Variants in LPIN3 observed in about 807,000 individuals in gnomAD.
The protein encoded by LPIN3 is lipin 3.
LPIN3 carries 82 observed loss-of-function variants against 94.7 expected under a neutral mutation model. The observed-to-expected ratio is 0.87, with a 90% CI of 0.72 to 1.04. LPIN3 has a LOEUF of 1.04. Ranked by LOEUF, LPIN3 falls within the 50% of genes least tolerant of loss-of-function variation. The probability of loss-of-function intolerance (pLI) is 0.00; values close to 1 mark genes in which losing one functional copy is unlikely to be tolerated. For synonymous variants in LPIN3, 418 were observed against 443.3 expected, an observed-to-expected ratio of 0.94 and a Z score of 0.72; for missense variants, 996 against 1,090.5, an observed-to-expected ratio of 0.91 and a Z score of 1.22.
At chr20:41,356,339 G>C (rs563063336) in intron 14 of LPIN3, among the ~76,000 whole-genome samples, 12 of 152,178 alleles carry the variant, frequency 7.9e-5, no homozygotes, top group Non-Finnish European at 1.3e-4. Flanking sequence ...ACACTAAAAA[G>C]AATCAAATGC....
chr20:41,348,499 T>C (rs1333366090), intron 3 of LPIN3, 120 bp from the exon 4 acceptor site: 1 of 1,432,718 alleles, frequency 7.0e-7, no homozygotes, highest in Non-Finnish European at 9.2e-7. Flanking sequence ...ACACCTGTTT[T>C]CCTGACCCTA....
rs771265914 is a variant in LPIN3 at position 41,349,107 on chromosome 20, G to T, written c.573G>T (p.Glu191Asp). ...RPEPPGVQLEEKSSLQPKDIY... is the reference protein window; with the variant it reads ...RPEPPGVQLEDKSSLQPKDIY... ...CCCTTAGCAGTGTCCAGTTGGAAGAGAAGTCTTCACTGCAGCCCAAAGACA... is the reference window on the plus strand; with the variant it reads ...CCCTTAGCAGTGTCCAGTTGGAAGATAAGTCTTCACTGCAGCCCAAAGACA... The change falls in exon 5 of 20, where the codon GAG becomes GAT. Residue 191 changes from glutamate (E) to aspartate (D), a missense_variant. Physicochemically the swap from Glu to Asp is conservative, Grantham distance 45. Transcript: ENST00000373257. The T allele has an allele frequency of 5.0e-6, 8 of 1,614,074 alleles. No individual in the cohort carries two copies. Among genetic ancestry groups the T allele is most frequent in the Non-Finnish European group, 5.1e-6 (6 of 1,180,036 alleles).
intron 16 of LPIN3, 91 bp downstream of exon 16, chr20:41,357,538 C>A: frequency 8.6e-7 from 1 of 1,162,598 alleles, no homozygotes. Flanking sequence ...ACCAGCAGGG[C>A]CCACAAGGCA....
At chr20:41,357,666 G>A (rs948460753) in intron 16 of LPIN3, among the ~76,000 whole-genome samples, 8 of 152,216 alleles carry the variant, frequency 5.3e-5, no homozygotes, top group African/African-American at 1.9e-4. Context: ...GCCTGCAGCC[G>A]GAGGGGAGGC....
chr20:41,355,551 G>A (rs977986708), intron 13 of LPIN3, among the ~76,000 whole-genome samples: 2 of 152,358 alleles, frequency 1.3e-5, no homozygotes, highest in South Asian at 2.1e-4. Flanking sequence ...AAGGCTGGGT[G>A]GAGAGTAGCT....
rs6029637 is a variant in LPIN3, at chr20:41,340,940, G to A, written c.-71G>A. 7.9e-5 allele frequency: 12 copies of A among 152,452 alleles called. No individual in the cohort carries two copies. Among genetic ancestry groups the A allele is most frequent in the African/African-American group, 2.9e-4 (12 of 41,588 alleles). The allele number at this position is 152,452 out of a possible 1,614,324, so 9.4% of individuals were successfully genotyped here. On this transcript the variant is annotated 5_prime_UTR_variant, in exon 1 of 20. Transcript: ENST00000373257. ...AGGGCCGAAGACACTCACCTGTGGA[G>A]CCTGTGCACGTAGGTAGAGGCGGCG...
intron 1 of LPIN3, among the ~76,000 whole-genome samples, chr20:41,341,908 C>T (rs766681538): frequency 5.3e-5 from 8 of 152,088 alleles, no homozygotes; most frequent in Non-Finnish European, 1.0e-4. Flanking sequence ...ACCCAGCAGG[C>T]GGAGCTTGCA....
intron 14 of LPIN3, among the ~76,000 whole-genome samples, chr20:41,356,293 G>A (rs748794387): frequency 6.6e-6 from 1 of 152,210 alleles, no homozygotes; most frequent in Non-Finnish European, 1.5e-5. Context: ...TCAACCTGTA[G>A]TGAGCCAGCA....
intron 2 of LPIN3, 52 bp from the exon 3 acceptor site, chr20:41,347,500 C>G: frequency 6.4e-7 from 1 of 1,569,668 alleles, no homozygotes; most frequent in Non-Finnish European, 8.8e-7. Flanking sequence ...GGCCTGTGGT[C>G]GGAAGCATGG....
intron 7 of LPIN3, 141 bp from the exon 8 acceptor site, chr20:41,351,680 G>T (rs1488006451): frequency 8.9e-6 from 6 of 675,050 alleles, no homozygotes; most frequent in Non-Finnish European, 1.5e-5. Flanking sequence ...ATATCAGGCA[G>T]TGCAGACATG....
rs751547953 is a variant in LPIN3, at chr20:41,356,026, G to A, written c.1795G>A (p.Asp599Asn). Residue 599 changes from aspartate (D) to asparagine (N), a missense_variant, in exon 14 of 20, where the codon GAT becomes AAT. Transcript: ENST00000373257. ...CAAGAAGTCCCTCCGCCTCTCCTCC[G>A]ATCAGATCGTAAGTGTGGGTTGTCT... is the stretch of plus-strand genomic sequence containing the variant. ...TYKKSLRLSS[D>N]QIRRLNLQEG... The A allele has an allele frequency of 3.8e-5, 62 of 1,613,676 alleles. No individual in the cohort carries two copies. The Middle Eastern group carries it at 6.6e-4, about 17-fold the overall frequency.
intron 14 of LPIN3, 21 bp from the exon 15 acceptor site, chr20:41,357,019 C>T (rs1275955370): frequency 1.2e-6 from 2 of 1,604,728 alleles, no homozygotes; most frequent in South Asian, 1.1e-5. Flanking sequence ...TCACGACACA[C>T]CCCCCTTTGT....
intron 17 of LPIN3, 67 bp from the exon 18 acceptor site, chr20:41,358,170 C>T (rs1240149646): frequency 3.3e-5 from 52 of 1,582,426 alleles, no homozygotes; most frequent in South Asian, 1.3e-4. Flanking sequence ...ATCACCTGAG[C>T]CTGCCATCCC....
chr20:41,349,645 A>G, intron 5 of LPIN3, 129 bp from the exon 6 acceptor site: 1 of 1,140,590 alleles, frequency 8.8e-7, no homozygotes, highest in Non-Finnish European at 1.2e-6. Flanking sequence ...AGATCTTTAC[A>G]TATTCCTTAT....
chr20:41,357,594 C>T (rs1600743357), intron 16 of LPIN3, 147 bp downstream of exon 16: 2 of 756,556 alleles, frequency 2.6e-6, no homozygotes, highest in African/African-American at 1.8e-5. Flanking sequence ...CTCTATTGGC[C>T]CGCAGTTCTG....
chr20:41,351,784 A>G (rs1479460351), intron 7 of LPIN3, 37 bp from the exon 8 acceptor site: 2 of 1,594,266 alleles, frequency 1.3e-6, no homozygotes, highest in South Asian at 1.1e-5. Flanking sequence ...TGCTGAGCAC[A>G]TGTCAGCTCT....
At chr20:41,348,577 C>T in intron 3 of LPIN3, 42 bp from the exon 4 acceptor site, 1 of 1,565,224 alleles carries the variant, frequency 6.4e-7, no homozygotes, top group Non-Finnish European at 8.7e-7. Context: ...CGCAGCCCCA[C>T]TAGGGTCAGC....
rs753258434 is a variant in LPIN3, at chr20:41,356,040, T to A, written c.1803+6T>A. On this transcript the variant is annotated splice_donor_region_variant and intron_variant, in intron 14 of 19. Coordinates refer to ENST00000373257, the MANE Select transcript of LPIN3 (RefSeq NM_022896.3). Reference sequence around the variant, plus strand: ...GCCTCTCCTCCGATCAGATCGTAAGTGTGGGTTGTCTGTGTGGAGGTTGGG... The same window carrying A: ...GCCTCTCCTCCGATCAGATCGTAAGAGTGGGTTGTCTGTGTGGAGGTTGGG... 1.9e-6 allele frequency: 3 copies of A among 1,612,282 alleles called. No individual in the cohort carries two copies. The African/African-American group carries it at 4.0e-5, about 22-fold the overall frequency.
chr20:41,357,169 A>G lies in LPIN3; in HGVS notation c.1933A>G (p.Ile645Val), dbSNP rs540639290. 3.9e-5 allele frequency: 63 copies of G among 1,614,118 alleles called. No homozygotes were observed. In the East Asian group the frequency reaches 1.3e-3, roughly 33 times the overall value. Residue 645 changes from isoleucine (I) to valine (V), a missense_variant, in exon 15 of 20, where the codon ATC becomes GTC. Coordinates refer to ENST00000373257, the MANE Select transcript of LPIN3 (RefSeq NM_022896.3). ...KWDDKVVISDIDGTITKSDAL... is the reference protein window; with the variant it reads ...KWDDKVVISDVDGTITKSDAL... ...GGACGACAAGGTGGTCATCTCTGACATCGACGGCACCATCACCAAGTGAGG... is the reference window on the plus strand; with the variant it reads ...GGACGACAAGGTGGTCATCTCTGACGTCGACGGCACCATCACCAAGTGAGG...
Sources: gnomAD v4.1 joint callset for allele counts (sites outside exome capture counted in the v4.1 genomes callset) on GRCh38, gnomAD v4.1.1 for gene constraint, MANE v1.5 for transcripts, NCBI Gene and HGNC (gene_info 2026-07-23, HGNC 2026-07-21) for gene names.